PSME4: variants seen among roughly 807,000 people sequenced by gnomAD.
The protein encoded by PSME4 is proteasome activator subunit 4.
A neutral mutation model predicts 253.9 loss-of-function variants in PSME4; 89 were observed. The ratio of observed to expected loss-of-function variants is 0.35; its 90% CI spans 0.30 to 0.42. PSME4 has a LOEUF of 0.42. PSME4 is among the 10% of genes least tolerant of loss of function. PSME4 has a pLI of 1.00. For missense variants in PSME4, 2,014 were observed against 2,195.2 expected (o/e 0.92, Z 1.65); for synonymous variants, 851 against 759.2 (o/e 1.12, Z -1.99).
At chr2:53,946,259 G>A (rs935252780) in intron 3 of PSME4, among the ~76,000 whole-genome samples, 1 of 152,210 alleles carries the variant, frequency 6.6e-6, no homozygotes, top group Non-Finnish European at 1.5e-5. Flanking sequence ...GCATACTGAA[G>A]AACAGGGTAT....
intron 3 of PSME4, among the ~76,000 whole-genome samples, chr2:53,940,909 C>T (rs56900376): frequency 2.1e-4 from 19 of 91,802 alleles, no homozygotes; most frequent in African/African-American, 8.2e-4. Flanking sequence ...ATATATAATA[C>T]ATATTTAAAT....
At chr2:53,930,339 C>T (rs188172917) in intron 10 of PSME4, among the ~76,000 whole-genome samples, 13 of 152,264 alleles carry the variant, frequency 8.5e-5, no homozygotes, top group Admixed American at 2.0e-4. Context: ...AAAGAAACAT[C>T]AAAAACACTC....
At chr2:53,899,238 G>A (rs1043164295) in intron 29 of PSME4, among the ~76,000 whole-genome samples, 1 of 151,084 alleles carries the variant, frequency 6.6e-6, no homozygotes, top group South Asian at 2.1e-4. Flanking sequence ...CTAAATTTTT[G>A]TTTTTTTTGT....
chr2:53,896,928 A>T, intron 31 of PSME4, 43 bp from the exon 32 acceptor site: 1 of 1,402,294 alleles, frequency 7.1e-7, no homozygotes. Context: ...AAAAGTTTAA[A>T]TCACTTAACT....
rs563640366 is a variant in PSME4, at chr2:53,932,045, T to C, written c.1106A>G (p.His369Arg). The C allele has an allele frequency of 1.9e-6, 3 of 1,613,932 alleles. No homozygotes were observed. Among genetic ancestry groups the C allele is most frequent in the East Asian group, 2.2e-5 (1 of 44,884 alleles). ...RLPNSVVRRL[H>R]RERYKKPSWL... ...AGAGGGCTTCTTGTATCTTTCACGA[T>C]GCAATCTTCTAACAACACTGTTTGG... is the stretch of plus-strand genomic sequence containing the variant. The change falls in exon 10 of 47, where the codon CAT (histidine) becomes CGT (arginine). Residue 369 changes from histidine (H) to arginine (R), a missense_variant. This residue lies in a region of PSME4 where 615 missense variants were observed against 594.4 expected (regional missense o/e 1.03). Transcript: ENST00000404125.
intron 7 of PSME4, 111 bp from the exon 8 acceptor site, chr2:53,934,838 G>A: frequency 1.2e-6 from 1 of 842,476 alleles, no homozygotes; most frequent in South Asian, 2.0e-5. Context: ...TTATCACAAG[G>A]GTTTTTAAGT....
intron 5 of PSME4, 57 bp downstream of exon 5, chr2:53,937,334 C>T: frequency 7.1e-7 from 1 of 1,413,766 alleles, no homozygotes; most frequent in South Asian, 1.4e-5. Context: ...TTACTAGTTT[C>T]TTTATCTGTA....
chr2:53,892,255 C>T (rs1264750170), intron 36 of PSME4, among the ~76,000 whole-genome samples: 2 of 152,168 alleles, frequency 1.3e-5, no homozygotes, highest in Non-Finnish European at 1.5e-5. Context: ...GTGGTCCTGA[C>T]ATTTGACCAG....
At chr2:53,866,640 C>G in intron 45 of PSME4, 107 bp downstream of exon 45, 1 of 1,225,752 alleles carries the variant, frequency 8.2e-7, no homozygotes, top group Non-Finnish European at 1.1e-6. Context: ...GCAGAGGCAG[C>G]AGCTTTATGA....
At chr2:53,927,339 T>C in intron 12 of PSME4, 55 bp downstream of exon 12, 2 of 1,216,772 alleles carry the variant, frequency 1.6e-6, no homozygotes, top group Admixed American at 1.7e-5. Context: ...TTACTATGCA[T>C]ATGCAATAAT....
In PSME4 at chr2:53,932,117, A is replaced by G; in HGVS notation, c.1051-17T>C. 6.2e-7 allele frequency: 1 copy of G among 1,608,972 alleles called. No homozygotes were observed. The highest frequency in any genetic ancestry group is 8.5e-7 in the Non-Finnish European group (1 of 1,176,728). ...TAACTTGTTCTGGGGACACAGAAGC[A>G]AAAAGTTCTAAGTAGGTTCTACTTT... On this transcript the variant is annotated splice_polypyrimidine_tract_variant and intron_variant, in intron 9 of 46. Coordinates refer to ENST00000404125, the MANE Select transcript of PSME4 (RefSeq NM_014614.3).
rs1309721321 is a variant in PSME4, at chr2:53,954,327, C to CA, written c.243-5045dup. Reference sequence around the variant, plus strand: ...TGGGCAACAGAGGGAGACTCCATTTCAAAAAAAAAAGGAAAGAAAGAAAGA... The same window carrying CA: ...TGGGCAACAGAGGGAGACTCCATTTCAAAAAAAAAAAGGAAAGAAAGAAAGA... On this transcript the variant is annotated intron_variant, in intron 1 of 46. Transcript: ENST00000404125. Among the ~76,000 whole-genome samples the CA allele has an allele frequency of 8.8e-4, 120 of 135,984 alleles. 1 individual carries two copies. Among genetic ancestry groups the CA allele is most frequent in the African/African-American group, 2.5e-3 (91 of 36,528 alleles). 89.2% of individuals were successfully genotyped at this position (135,984 alleles called of 152,430 possible).
intron 1 of PSME4, among the ~76,000 whole-genome samples, chr2:53,961,576 G>A (rs1670497717): frequency 6.6e-6 from 1 of 152,132 alleles, no homozygotes; most frequent in Admixed American, 6.5e-5. Context: ...TACTCCAGAG[G>A]CTGAGATGGG....
chr2:53,914,342 A>T (rs1667962194), intron 20 of PSME4, among the ~76,000 whole-genome samples: 1 of 152,222 alleles, frequency 6.6e-6, no homozygotes, highest in Admixed American at 6.5e-5. Context: ...CAACTTCCAC[A>T]TCTATAAAGG....
intron 5 of PSME4, 110 bp from the exon 6 acceptor site, chr2:53,936,937 CTAGAAAAAACAATACTGAAGTTA>C: frequency 1.4e-6 from 1 of 689,730 alleles, no homozygotes. Flanking sequence ...ACTACGTTAA[CTAGAAAAAACAATACTGAAGTTA>C]TAAACTTAAT....
At chr2:53,882,350 T>C (rs1679432418) in intron 41 of PSME4, among the ~76,000 whole-genome samples, 1 of 152,220 alleles carries the variant, frequency 6.6e-6, no homozygotes, top group African/African-American at 2.4e-5. Context: ...CAATTTAGGA[T>C]GCAATATCTT....
intron 1 of PSME4, among the ~76,000 whole-genome samples, chr2:53,960,923 C>T (rs1670470468): frequency 6.6e-6 from 1 of 152,104 alleles, no homozygotes; most frequent in Non-Finnish European, 1.5e-5. Flanking sequence ...GCCTGACCAA[C>T]ATGGAGAAAC....
Position 53,970,564 on chromosome 2 carries a change from A to T in PSME4, c.221T>A (p.Phe74Tyr). The T allele has an allele frequency of 6.5e-6, 10 of 1,548,144 alleles. No individual in the cohort carries two copies. The highest frequency in any genetic ancestry group is 8.7e-6 in the Non-Finnish European group (10 of 1,146,752). ...QLQELWPGGL[F>Y]WTRKLSTYIR... Reference sequence around the variant, plus strand: ...TTACGTGGAGAGTTTCCTGGTCCAGAAGAGGCCCCCGGGCCACAGCTCTTG... The same window carrying T: ...TTACGTGGAGAGTTTCCTGGTCCAGTAGAGGCCCCCGGGCCACAGCTCTTG... Residue 74 changes from phenylalanine (F) to tyrosine (Y), a missense_variant, in exon 1 of 47, where the codon TTC becomes TAC. Around this residue, in one of 4 missense-constraint regions of PSME4, gnomAD observed 615 missense variants for 594.4 expected, o/e 1.03. Coordinates refer to ENST00000404125, the MANE Select transcript of PSME4 (RefSeq NM_014614.3).
At chr2:53,884,033 G>A (rs1036206244) in intron 41 of PSME4, among the ~76,000 whole-genome samples, 3 of 151,982 alleles carry the variant, frequency 2.0e-5, no homozygotes, top group East Asian at 3.9e-4. Flanking sequence ...TCTTTTAAAC[G>A]CCTCTCTTTA....
Sources: gnomAD v4.1 joint callset for allele counts (sites outside exome capture counted in the v4.1 genomes callset) on GRCh38, gnomAD v4.1.1 for gene constraint, gnomAD v4.1.1 regional missense constraint, MANE v1.5 for transcripts, NCBI Gene and HGNC (gene_info 2026-07-23, HGNC 2026-07-21) for gene names.